MAPKAP1: variants seen among roughly 807,000 people sequenced by gnomAD.
MAPKAP1 encodes the protein target of rapamycin complex 2 subunit MAPKAP1.
In MAPKAP1, 20 loss-of-function variants were observed where a neutral mutation model predicts 65.7. The ratio of observed to expected loss-of-function variants is 0.30; its 90% CI spans 0.21 to 0.44. The LOEUF (loss-of-function observed/expected upper bound fraction) is 0.44, where lower values mean the gene tolerates loss of function less well. Among genes scored for constraint, MAPKAP1 ranks in the 20% least tolerant of loss-of-function variants. The pLI, the probability that MAPKAP1 is intolerant of heterozygous loss-of-function variation, is 1.00. For missense variants in MAPKAP1, 423 were observed against 648.0 expected, an observed-to-expected ratio of 0.65 and a Z score of 3.77; for synonymous variants, 222 against 244.3, an observed-to-expected ratio of 0.91 and a Z score of 0.85.
At chr9:125,549,109 A>G (rs1420536938) in intron 6 of MAPKAP1, among the ~76,000 whole-genome samples, 1 of 152,226 alleles carries the variant, frequency 6.6e-6, no homozygotes, top group Non-Finnish European at 1.5e-5. Flanking sequence ...AAAAGGTTCA[A>G]CTTCCACTGT....
chr9:125,698,305 ATATATATATATATAT>A (rs1835478691), intron 1 of MAPKAP1, among the ~76,000 whole-genome samples: 1 of 30,180 alleles, frequency 3.3e-5, no homozygotes, highest in Non-Finnish European at 6.7e-5. Flanking sequence ...ATATATATAT[ATATATATATATATAT>A]ATATATATAT....
intron 1 of MAPKAP1, among the ~76,000 whole-genome samples, chr9:125,673,354 G>A (rs1050894211): frequency 6.6e-6 from 1 of 152,082 alleles, no homozygotes; most frequent in Non-Finnish European, 1.5e-5. Context: ...AGCCTCCCGC[G>A]TAGCTGGGAT....
chr9:125,675,943 A>G (rs1834632059), intron 1 of MAPKAP1, among the ~76,000 whole-genome samples: 1 of 152,220 alleles, frequency 6.6e-6, no homozygotes, highest in Non-Finnish European at 1.5e-5. Flanking sequence ...TTCTAACAAG[A>G]CTACTTTTCA....
intron 3 of MAPKAP1, among the ~76,000 whole-genome samples, chr9:125,669,528 C>G (rs1279218520): frequency 3.3e-5 from 5 of 152,054 alleles, no homozygotes; most frequent in African/African-American, 4.8e-5. Context: ...ACTCCTTGGC[C>G]TATATTTTTT....
chr9:125,512,675 G>A (rs1046044958), intron 7 of MAPKAP1, among the ~76,000 whole-genome samples: 2 of 150,506 alleles, frequency 1.3e-5, no homozygotes, highest in Admixed American at 6.6e-5. Context: ...TCCGCCTCCC[G>A]GGTTCACGCT....
chr9:125,658,896 T>A (rs937724123), intron 3 of MAPKAP1, among the ~76,000 whole-genome samples: 2 of 152,032 alleles, frequency 1.3e-5, no homozygotes, highest in African/African-American at 4.8e-5. Context: ...TTTAGCATAG[T>A]CAAATTAAAC....
intron 1 of MAPKAP1, among the ~76,000 whole-genome samples, chr9:125,678,373 G>C (rs1371727030): frequency 1.3e-5 from 2 of 152,020 alleles, no homozygotes; most frequent in South Asian, 2.1e-4. Flanking sequence ...CTCCTGAGTA[G>C]CTAAGACTAC....
chr9:125,476,206 T>C (rs1854102076), intron 9 of MAPKAP1, among the ~76,000 whole-genome samples: 1 of 152,176 alleles, frequency 6.6e-6, no homozygotes, highest in Admixed American at 6.5e-5. Context: ...AGTGCAAAAG[T>C]GGTAACGGAG....
chr9:125,529,289 C>T (rs1321890256), intron 7 of MAPKAP1, among the ~76,000 whole-genome samples: 1 of 151,522 alleles, frequency 6.6e-6, no homozygotes, highest in African/African-American at 2.4e-5. Context: ...GTTTATTAGC[C>T]ATCTCCTCTA....
chr9:125,447,258 GTCCCAACAT>G lies in MAPKAP1; in HGVS notation c.1346-2669_1346-2661del. On this transcript the variant is annotated intron_variant, in intron 10 of 11. Transcript: ENST00000265960. The surrounding 1 kb of genome is among the most constrained non-coding windows in gnomAD (Gnocchi z 4.5). ...GTGAAGCAGGTGAGGAGGAGGAAGAGTCCCAACATTCCCCCACTCTCCCTCAAGCCTCCG... is the reference window on the plus strand; with the variant it reads ...GTGAAGCAGGTGAGGAGGAGGAAGAGTCCCCCACTCTCCCTCAAGCCTCCG... 5.2e-6 allele frequency: 2 copies of G among 387,672 alleles called. No homozygotes were observed. Among genetic ancestry groups the G allele is most frequent in the Non-Finnish European group, 5.3e-6 (1 of 188,550 alleles). 24.0% of individuals were successfully genotyped at this position (387,672 alleles called of 1,614,324 possible). A position where few individuals can be genotyped will look rare whatever the true frequency, so the allele number is the denominator to read the frequency against.
chr9:125,449,957 C>G (rs1460312573), intron 10 of MAPKAP1, among the ~76,000 whole-genome samples: 1 of 152,006 alleles, frequency 6.6e-6, no homozygotes, highest in African/African-American at 2.4e-5. Flanking sequence ...GAGTCTCACT[C>G]TGTCACCCAG....
At chr9:125,642,401 G>A (rs935819373) in intron 4 of MAPKAP1, among the ~76,000 whole-genome samples, 5 of 152,070 alleles carry the variant, frequency 3.3e-5, no homozygotes, top group African/African-American at 4.8e-5. Flanking sequence ...ATGACTAAAG[G>A]CTATGGGCTG....
At chr9:125,568,503 T>C (rs1443024699) in intron 5 of MAPKAP1, among the ~76,000 whole-genome samples, 1 of 152,202 alleles carries the variant, frequency 6.6e-6, no homozygotes, top group Non-Finnish European at 1.5e-5. Flanking sequence ...TTCCCCACCC[T>C]GCCACAGGCA....
intron 4 of MAPKAP1, among the ~76,000 whole-genome samples, chr9:125,629,094 A>G (rs1833198556): frequency 7.0e-6 from 1 of 143,218 alleles, no homozygotes; most frequent in Non-Finnish European, 1.5e-5. Flanking sequence ...CACACACACC[A>G]GAAAATAAAA....
At chr9:125,578,839 A>C (rs1831530210) in intron 5 of MAPKAP1, among the ~76,000 whole-genome samples, 1 of 152,244 alleles carries the variant, frequency 6.6e-6, no homozygotes, top group African/African-American at 2.4e-5. Context: ...AAAAACCCTA[A>C]GATAATAGAA....
intron 5 of MAPKAP1, chr9:125,567,932 A>G (rs1417053446): frequency 2.0e-5 from 3 of 152,212 alleles, no homozygotes; most frequent in Non-Finnish European, 4.4e-5. Context: ...CAAAAGGGAC[A>G]ATACTGAGGA....
chr9:125,586,900 G>A (rs897908326), intron 4 of MAPKAP1, among the ~76,000 whole-genome samples: 28 of 152,270 alleles, frequency 1.8e-4, no homozygotes, highest in African/African-American at 6.0e-4. Context: ...CCACCACTAA[G>A]CCAGCTGCTC....
chr9:125,628,446 TAAGAC>T (rs1409108095), intron 4 of MAPKAP1, among the ~76,000 whole-genome samples: 3 of 152,214 alleles, frequency 2.0e-5, no homozygotes, highest in East Asian at 1.9e-4. Context: ...ATAAGTCACT[TAAGAC>T]AAGAAAATGT....
At chr9:125,627,225 C>T (rs1833142626) in intron 4 of MAPKAP1, among the ~76,000 whole-genome samples, 1 of 152,150 alleles carries the variant, frequency 6.6e-6, no homozygotes, top group African/African-American at 2.4e-5. Context: ...TCCATGACGC[C>T]TTCTGATAAC....
Sources: allele counts gnomAD v4.1 joint callset (sites outside exome capture counted in the v4.1 genomes callset), GRCh38; gene constraint gnomAD v4.1.1; non-coding constraint Gnocchi (gnomAD v3.1); transcripts MANE v1.5; gene names NCBI Gene and HGNC (gene_info 2026-07-23, HGNC 2026-07-21).